The following ABCB5 variants were observed in gnomAD, a reference collection of about 807,000 sequenced individuals.
The protein encoded by ABCB5 is ATP-binding cassette sub-family B member 5.
Under a neutral mutation model 144.2 loss-of-function variants are expected in ABCB5, and 155 were observed. The observed-to-expected ratio is 1.08, with a 90% CI of 0.94 to 1.23. The LOEUF (loss-of-function observed/expected upper bound fraction) is 1.23, where lower values mean the gene tolerates loss of function less well. ABCB5 is among the 50% of genes most tolerant of loss of function. ABCB5 has a pLI of 0.00. For synonymous variants in ABCB5, 610 were observed against 528.6 expected (o/e 1.15, Z -2.11); for missense variants, 1,830 against 1,520.8 (o/e 1.20, Z -3.38).
chr7:20,686,796 A>G (rs889760011), intron 16 of ABCB5, among the ~76,000 whole-genome samples: 3 of 152,134 alleles, frequency 2.0e-5, no homozygotes, highest in Non-Finnish European at 4.4e-5. Flanking sequence ...TGGGACTGAC[A>G]GAGACTTGAG....
intron 14 of ABCB5, among the ~76,000 whole-genome samples, chr7:20,664,923 T>C (rs1315787393): frequency 6.6e-6 from 1 of 152,204 alleles, no homozygotes; most frequent in Non-Finnish European, 1.5e-5. Flanking sequence ...ACCTTGTCTG[T>C]AAATAAAATA....
At chr7:20,656,918 T>C (rs563215693) in intron 13 of ABCB5, among the ~76,000 whole-genome samples, 1,521 of 145,546 alleles carry the variant, frequency 0.01, 26 homozygotes, top group African/African-American at 0.038. Flanking sequence ...TTTTCTTTTT[T>C]TTTTTTTTTT....
intron 14 of ABCB5, among the ~76,000 whole-genome samples, chr7:20,673,429 A>G (rs992896171): frequency 2.6e-5 from 4 of 151,972 alleles, no homozygotes; most frequent in African/African-American, 9.7e-5. Context: ...GGTGTCATGT[A>G]TTTTAGAACT....
chr7:20,716,872 A>C (rs1266003830), intron 20 of ABCB5, among the ~76,000 whole-genome samples: 5 of 152,100 alleles, frequency 3.3e-5, no homozygotes, highest in Admixed American at 6.5e-5. Context: ...TCCCTTAGGA[A>C]TTCTAAAGCG....
chr7:20,744,846 G>T (rs1367542592), intron 25 of ABCB5, among the ~76,000 whole-genome samples: 1 of 152,010 alleles, frequency 6.6e-6, no homozygotes, highest in East Asian at 1.9e-4. Context: ...CCCTGGTACT[G>T]GAAGAGTCCC....
intron 20 of ABCB5, among the ~76,000 whole-genome samples, chr7:20,711,816 CTT>C (rs1181614011): frequency 2.0e-5 from 1 of 50,720 alleles, no homozygotes; most frequent in Non-Finnish European, 3.1e-5. Flanking sequence ...TTCTTTCTTT[CTT>C]TCTTTCTTTC....
chr7:20,644,170 C>T (rs1002606548), intron 7 of ABCB5, among the ~76,000 whole-genome samples: 14 of 151,946 alleles, frequency 9.2e-5, no homozygotes, highest in African/African-American at 3.1e-4. Context: ...ACTGCAGCCT[C>T]AACTTCCCAG....
At chr7:20,628,322 T>C (rs1486362280) in intron 3 of ABCB5, among the ~76,000 whole-genome samples, 2 of 152,174 alleles carry the variant, frequency 1.3e-5, no homozygotes, top group African/African-American at 4.8e-5. Flanking sequence ...TCCATGTCCC[T>C]GCAAAGGACA....
intron 16 of ABCB5, among the ~76,000 whole-genome samples, chr7:20,693,566 C>G (rs1249933342): frequency 6.6e-6 from 1 of 152,020 alleles, no homozygotes; most frequent in Non-Finnish European, 1.5e-5. Context: ...AAAATGAACA[C>G]TGAACATATC....
At chr7:20,749,632 G>T (rs1782854871) in intron 26 of ABCB5, among the ~76,000 whole-genome samples, 1 of 151,952 alleles carries the variant, frequency 6.6e-6, no homozygotes, top group African/African-American at 2.4e-5. Context: ...GACAAATATA[G>T]TCCTACTTTT....
Position 20,665,758 on chromosome 7 carries a change from GAT to G in ABCB5, c.1707+7084_1707+7085del, listed in dbSNP as rs775584720. Among the ~76,000 whole-genome samples the G allele has an allele frequency of 4.2e-3, 581 of 138,108 alleles. 4 individuals carry two copies. Among genetic ancestry groups the G allele is most frequent in the East Asian group, 7.4e-3 (33 of 4,436 alleles). 90.6% of individuals were successfully genotyped at this position (138,108 alleles called of 152,430 possible). On this transcript the variant is annotated intron_variant, in intron 14 of 27. Coordinates refer to ENST00000404938, the MANE Select transcript of ABCB5 (RefSeq NM_001163941.2). ...AGATAGATAGATAGATAGATAGATA[GAT>G]AGATAGAGATACATACATACATACA...
At position 20,651,412 on chromosome 7, in the gene ABCB5, A is replaced by G; in HGVS notation, c.1333-8A>G. 1 of 1,613,978 alleles carries G rather than the reference A, an allele frequency of 6.2e-7. No individual in the cohort carries two copies. The highest frequency in any genetic ancestry group is 2.2e-5 in the East Asian group (1 of 44,874). On this transcript the variant is annotated splice_polypyrimidine_tract_variant and splice_region_variant and intron_variant, in intron 12 of 27. Transcript: ENST00000404938. ...CATCACAACATGGTTCATTCTTTGG[A>G]TTGGCAGATCATGGTGGATGAGAAT...
chr7:20,698,428 C>G lies in ABCB5; in HGVS notation c.2032C>G (p.Leu678Val), dbSNP rs377620398. The change falls in exon 17 of 28, where the codon CTA becomes GTA. Residue 678 changes from leucine to valine, a missense_variant. Physicochemically the swap from Leu to Val is conservative, Grantham distance 32. Coordinates refer to ENST00000404938, the MANE Select transcript of ABCB5 (RefSeq NM_001163941.2). ...TTAGATAAGTCTTCCTGAAGTCTCT[C>G]TATTAAAAATTTTAAAGTTAAACAA... ...SKEISLPEVS[L>V]LKILKLNKPE... 6.3e-7 allele frequency: 1 copy of G among 1,580,314 alleles called. No individual in the cohort carries two copies. The highest frequency in any genetic ancestry group is 8.5e-7 in the Non-Finnish European group (1 of 1,169,994).
chr7:20,649,722 G>C (rs1309858368), intron 11 of ABCB5, among the ~76,000 whole-genome samples: 2 of 152,142 alleles, frequency 1.3e-5, no homozygotes, highest in Non-Finnish European at 2.9e-5. Flanking sequence ...TCATTAACTT[G>C]ATAGTCAAAA....
At chr7:20,685,515 T>C (rs749455618) in intron 15 of ABCB5, among the ~76,000 whole-genome samples, 181 bp from the exon 16 acceptor site, 5 of 152,200 alleles carry the variant, frequency 3.3e-5, no homozygotes, top group Non-Finnish European at 5.9e-5. Flanking sequence ...GTCACTAACA[T>C]TTTAGTATGA....
intron 2 of ABCB5, among the ~76,000 whole-genome samples, chr7:20,626,047 G>A (rs939305899): frequency 6.6e-6 from 1 of 152,206 alleles, no homozygotes; most frequent in African/African-American, 2.4e-5. Context: ...AAGACAGCCA[G>A]ACGAAACAGA....
At chr7:20,695,468 A>G (rs1786379279) in intron 16 of ABCB5, among the ~76,000 whole-genome samples, 1 of 152,010 alleles carries the variant, frequency 6.6e-6, no homozygotes, top group Non-Finnish European at 1.5e-5. Context: ...AACTTCTATA[A>G]GAAAATGCAA....
At chr7:20,741,790 G>GTA (rs1782569474) in intron 24 of ABCB5, among the ~76,000 whole-genome samples, 1 of 151,336 alleles carries the variant, frequency 6.6e-6, no homozygotes, top group South Asian at 2.1e-4. Flanking sequence ...ACACACACAT[G>GTA]CACACACACA....
At position 20,719,398 on chromosome 7, in the gene ABCB5, CTA is replaced by C. The variant is rs774401858; in HGVS notation, c.2422-3616_2422-3615del. 4.9e-4 allele frequency among the ~76,000 whole-genome samples: 75 copies of C among 152,334 alleles called. No individual in the cohort carries two copies. The Middle Eastern group carries it at 0.01, about 21-fold the overall frequency. On this transcript the variant is annotated intron_variant, in intron 20 of 27. Transcript: ENST00000404938. Reference sequence around the variant, plus strand: ...TTTTAAAAATTTATTTTACCTCATACTATGACTCCTTTTCTATCTTGATATTG... The same window carrying C: ...TTTTAAAAATTTATTTTACCTCATACTGACTCCTTTTCTATCTTGATATTG...
Sources: gnomAD v4.1 joint callset for allele counts (sites outside exome capture counted in the v4.1 genomes callset) on GRCh38, gnomAD v4.1.1 for gene constraint, MANE v1.5 for transcripts, NCBI Gene and HGNC (gene_info 2026-07-23, HGNC 2026-07-21) for gene names.